Variants in FBN3 observed in about 807,000 individuals in gnomAD.
The protein encoded by FBN3 is fibrillin 3.
Under a neutral mutation model 330.1 loss-of-function variants are expected in FBN3, and 234 were observed. The observed-to-expected ratio is 0.71, with a 90% CI of 0.64 to 0.79. FBN3 has a LOEUF of 0.79. Among genes scored for constraint, FBN3 ranks in the 30% least tolerant of loss-of-function variants. The probability of loss-of-function intolerance (pLI) is 0.00; values close to 1 mark genes in which losing one functional copy is unlikely to be tolerated. For synonymous variants in FBN3, 1,458 were observed against 1,517.3 expected (o/e 0.96, Z 0.91); for missense variants, 3,606 against 3,886.9 (o/e 0.93, Z 1.92).
intron 41 of FBN3, among the ~76,000 whole-genome samples, chr19:8,099,276 ATTTTTTTTTTT>A (rs386388494): frequency 6.3e-4 from 62 of 98,888 alleles, no homozygotes; most frequent in African/African-American, 2.3e-3. Context: ...TCATGGTTTG[ATTTTTTTTTTT>A]TTTTTTTTTT....
chr19:8,107,152 G>T (rs993443665), intron 37 of FBN3, among the ~76,000 whole-genome samples: 13 of 148,774 alleles, frequency 8.7e-5, no homozygotes, highest in Non-Finnish European at 2.0e-4. Flanking sequence ...TGGAAGGATG[G>T]ATGAATGGGT....
chr19:8,075,379 A>G lies in FBN3; in HGVS notation c.7486T>C (p.Cys2496Arg). The G allele has an allele frequency of 6.2e-7, 1 of 1,614,120 alleles. No individual in the cohort carries two copies. Among genetic ancestry groups the G allele is most frequent in the Non-Finnish European group, 8.5e-7 (1 of 1,180,016 alleles). Residue 2496 changes from cysteine (C) to arginine (R), a missense_variant, in exon 60 of 64, where the codon TGT becomes CGT. Cys to Arg is a radical substitution (Grantham distance 180). Transcript: ENST00000600128. ...NDECSAQPGP[C>R]GAHGHCHNTP... ...TTGTGGCAGTGCCCGTGGGCACCAC[A>G]TGGGCCAGGCTGGGCTGAGCACTCA...
At chr19:8,075,536 C>A in intron 59 of FBN3, 125 bp from the exon 60 acceptor site, 1 of 923,456 alleles carries the variant, frequency 1.1e-6, no homozygotes, top group Non-Finnish European at 1.6e-6. Flanking sequence ...GCCTGTTTCC[C>A]ACTCTGTGAA....
chr19:8,131,735 C>A lies in FBN3; in HGVS notation c.1809G>T (p.Ala603=). 1 of 1,613,684 alleles carries A rather than the reference C, an allele frequency of 6.2e-7. No individual in the cohort carries two copies. The highest frequency in any genetic ancestry group is 8.5e-7 in the Non-Finnish European group (1 of 1,179,850). Residue 603 remains alanine (A), a synonymous_variant, in exon 15 of 64, where the codon GCG becomes GCT. Transcript: ENST00000600128. The surrounding 1 kb of genome is among the most constrained non-coding windows in gnomAD (Gnocchi z 4.5). ...CGCACACGCGGCCATCCGTGCCTAC[C>A]GCCAGCCCCCCCAGGCACTGGCAGC... ...SFRCQCLGGL[A]VGTDGRVCVD...
At chr19:8,145,632 G>C (rs1400227558) in intron 5 of FBN3, among the ~76,000 whole-genome samples, 6 of 141,668 alleles carry the variant, frequency 4.2e-5, no homozygotes, top group African/African-American at 1.6e-4. Context: ...AGTAAGCCGA[G>C]ATCTTGCCAC....
chr19:8,078,281 C>T (rs3745393), intron 59 of FBN3, among the ~76,000 whole-genome samples: 95,004 of 152,014 alleles, frequency 0.62, 31,376 homozygotes, highest in African/African-American at 0.84. Context: ...GGGACACAGA[C>T]ACGGTCTTTC....
intron 40 of FBN3, 45 bp from the exon 41 acceptor site, chr19:8,101,017 C>T: frequency 6.6e-7 from 1 of 1,514,746 alleles, no homozygotes. Context: ...GCAGGCCTGA[C>T]CCCAGCCCGC....
chr19:8,078,061 G>A (rs751386580), intron 59 of FBN3, among the ~76,000 whole-genome samples: 2 of 152,174 alleles, frequency 1.3e-5, no homozygotes, highest in Non-Finnish European at 2.9e-5. Flanking sequence ...CTGGGCGACA[G>A]AGCAAGACTC....
Position 8,129,280 on chromosome 19 carries a change from G to T in FBN3, c.2130C>A (p.Asn710Lys). The stretch of plus-strand genomic sequence containing the variant: ...CTGAGGCACCTGCCTCATAACCCAG[G>T]TTGCAGACACAGCGGTAGCTGCCCC... ...NLRGSYRCVC[N>K]LGYEAGASGK... Residue 710 changes from asparagine to lysine, a missense_variant, in exon 17 of 64, where the codon AAC (asparagine) becomes AAA (lysine). Asn to Lys is a moderately conservative substitution (Grantham distance 94). Transcript: ENST00000600128. The surrounding 1 kb of genome is among the most constrained non-coding windows in gnomAD (Gnocchi z 4.5). The T allele has an allele frequency of 1.2e-6, 2 of 1,614,172 alleles. No individual in the cohort carries two copies. The highest frequency in any genetic ancestry group is 1.7e-5 in the Admixed American group (1 of 60,030).
chr19:8,121,450 G>T lies in FBN3; in HGVS notation c.3083-64C>A, dbSNP rs984080620. 5.4e-6 allele frequency: 8 copies of T among 1,470,668 alleles called. No homozygotes were observed. The highest frequency in any genetic ancestry group is 1.4e-5 in the African/African-American group (1 of 71,618). The allele number at this position is 1,470,668 out of a possible 1,614,324, so 91.1% of individuals were successfully genotyped here. On this transcript the variant is annotated intron_variant, in intron 24 of 63. Coordinates refer to ENST00000600128, the MANE Select transcript of FBN3 (RefSeq NM_032447.5). This position sits in a 1 kb window ranked among gnomAD's most constrained non-coding sequence, Gnocchi z 4.5. Reference sequence around the variant, plus strand: ...GGCCGCATCATGGGGCACGAGGCAGGGGGGTCCCTGTCCTTTGATGGAGGT... The same window carrying T: ...GGCCGCATCATGGGGCACGAGGCAGTGGGGTCCCTGTCCTTTGATGGAGGT...
chr19:8,141,673 G>A, intron 8 of FBN3, 44 bp downstream of exon 8: 1 of 1,578,524 alleles, frequency 6.3e-7, no homozygotes, highest in Non-Finnish European at 8.6e-7. Flanking sequence ...CCCAGGTCAT[G>A]AGTCACAGAG....
chr19:8,138,759 G>C (rs1380625479), intron 8 of FBN3, among the ~76,000 whole-genome samples, 195 bp from the exon 9 acceptor site: 1 of 152,180 alleles, frequency 6.6e-6, no homozygotes, highest in East Asian at 1.9e-4. Context: ...TGAAAAGTCT[G>C]ACATAGTCCA....
chr19:8,141,593 AG>A, intron 8 of FBN3, 123 bp downstream of exon 8: 1 of 1,095,548 alleles, frequency 9.1e-7, no homozygotes, highest in Non-Finnish European at 1.3e-6. Context: ...CTACATAAAC[AG>A]GGACAAGGTC....
intron 63 of FBN3, 79 bp downstream of exon 63, chr19:8,071,969 G>A: frequency 1.4e-6 from 2 of 1,423,382 alleles, no homozygotes; most frequent in Middle Eastern, 1.9e-4. Flanking sequence ...GGGCTGACAT[G>A]ACTAAGTCGG....
chr19:8,110,915 G>T lies in FBN3; in HGVS notation c.4263C>A (p.Asn1421Lys). 3 of 1,614,208 alleles carry T rather than the reference G, an allele frequency of 1.9e-6. No individual in the cohort carries two copies. The highest frequency in any genetic ancestry group is 1.1e-5 in the South Asian group (1 of 91,092). ...AGATGCAGCGGAACATTCCAGGCAG[G>T]TTCTCACAGCTCCCAAATGCACAGA... is the stretch of plus-strand genomic sequence containing the variant. ...GNLCAFGSCE[N>K]LPGMFRCICN... Residue 1421 changes from asparagine (N) to lysine (K), a missense_variant, in exon 34 of 64, where the codon AAC becomes AAA. By Grantham distance (94) the Asn-to-Lys change is moderately conservative. Coordinates refer to ENST00000600128, the MANE Select transcript of FBN3 (RefSeq NM_032447.5).
At chr19:8,080,512 A>G (rs1224901614) in intron 59 of FBN3, among the ~76,000 whole-genome samples, 1 of 152,190 alleles carries the variant, frequency 6.6e-6, no homozygotes, top group Non-Finnish European at 1.5e-5. Flanking sequence ...TCTCCTCCCA[A>G]AGGAGAGGAA....
intron 11 of FBN3, 26 bp downstream of exon 11, chr19:8,136,362 C>T (rs1235008078): frequency 6.2e-7 from 1 of 1,609,660 alleles, no homozygotes. Context: ...GAGAACCGCC[C>T]CCCCTTCCAC....
chr19:8,073,675 T>C (rs1318113998), intron 61 of FBN3, among the ~76,000 whole-genome samples: 1 of 152,158 alleles, frequency 6.6e-6, no homozygotes, highest in Non-Finnish European at 1.5e-5. Context: ...GGAAAACCTA[T>C]CCGCCTCCAA....
chr19:8,119,257 G>A (rs766842767), intron 25 of FBN3, among the ~76,000 whole-genome samples: 1 of 152,138 alleles, frequency 6.6e-6, no homozygotes, highest in Non-Finnish European at 1.5e-5. Context: ...CAAAGGCCAC[G>A]AAGCTGACAC....
Sources: gnomAD v4.1 joint callset for allele counts (sites outside exome capture counted in the v4.1 genomes callset) on GRCh38, gnomAD v4.1.1 for gene constraint, Gnocchi (gnomAD v3.1) non-coding constraint, MANE v1.5 for transcripts, NCBI Gene and HGNC (gene_info 2026-07-23, HGNC 2026-07-21) for gene names.